The following GRID1 variants were observed in gnomAD, a reference collection of about 807,000 sequenced individuals.
The protein encoded by GRID1 is glutamate receptor ionotropic, delta-1.
A neutral mutation model predicts 98.0 loss-of-function variants in GRID1; 28 were observed. That is an observed-to-expected ratio of 0.29 (90% CI 0.21 to 0.39). The LOEUF (loss-of-function observed/expected upper bound fraction) is 0.39, where lower values mean the gene tolerates loss of function less well. Among genes scored for constraint, GRID1 ranks in the 10% least tolerant of loss-of-function variants. The pLI is 1.00. For missense variants in GRID1, 1,111 were observed against 1,340.5 expected, an observed-to-expected ratio of 0.83 and a Z score of 2.67; for synonymous variants, 553 against 538.5, an observed-to-expected ratio of 1.03 and a Z score of -0.37.
intron 3 of GRID1, among the ~76,000 whole-genome samples, chr10:86,188,507 C>G (rs1308506941): frequency 6.6e-6 from 1 of 152,182 alleles, no homozygotes; most frequent in Non-Finnish European, 1.5e-5. Context: ...GAAACAGGTT[C>G]CTTTGCCAAG....
chr10:85,802,983 C>T (rs1842591330), intron 8 of GRID1, among the ~76,000 whole-genome samples: 1 of 151,588 alleles, frequency 6.6e-6, no homozygotes, highest in African/African-American at 2.4e-5. Flanking sequence ...AGCACTTCCA[C>T]CATAAATAAA....
At chr10:85,902,792 C>T (rs767778763) in intron 5 of GRID1, among the ~76,000 whole-genome samples, 14 of 152,186 alleles carry the variant, frequency 9.2e-5, no homozygotes, top group Non-Finnish European at 5.9e-5. Flanking sequence ...TCCCACCTTT[C>T]CCGGCATTCC....
At chr10:86,137,736 A>G (rs1589384312) in intron 4 of GRID1, among the ~76,000 whole-genome samples, 2 of 152,282 alleles carry the variant, frequency 1.3e-5, no homozygotes, top group African/African-American at 4.8e-5. Context: ...CTGGCGGACC[A>G]CCGGCGTGAT....
At chr10:86,293,176 G>C (rs552517436) in intron 2 of GRID1, among the ~76,000 whole-genome samples, 3 of 152,326 alleles carry the variant, frequency 2.0e-5, no homozygotes, top group African/African-American at 7.2e-5. Flanking sequence ...TCTTCCTCGA[G>C]CTCCAACCTT....
At chr10:86,025,191 C>T (rs1222227005) in intron 4 of GRID1, among the ~76,000 whole-genome samples, 1 of 152,178 alleles carries the variant, frequency 6.6e-6, no homozygotes, top group Non-Finnish European at 1.5e-5. Flanking sequence ...CTCTGTGACC[C>T]GGACACATGG....
At chr10:86,325,145 C>T (rs1848029689) in intron 2 of GRID1, among the ~76,000 whole-genome samples, 3 of 152,170 alleles carry the variant, frequency 2.0e-5, no homozygotes, top group Admixed American at 6.5e-5. Context: ...CTTTCAGATT[C>T]AGTGAGCAAA....
chr10:86,227,702 A>G (rs546384915), intron 2 of GRID1, among the ~76,000 whole-genome samples: 1 of 151,810 alleles, frequency 6.6e-6, no homozygotes, highest in Non-Finnish European at 1.5e-5. Flanking sequence ...CCCAGCTCCC[A>G]CCTGTGAAGT....
intron 4 of GRID1, among the ~76,000 whole-genome samples, chr10:86,014,834 C>T (rs1313848386): frequency 6.6e-6 from 1 of 152,234 alleles, no homozygotes. Flanking sequence ...GGCCTCTTAT[C>T]TGATTGGAGG....
chr10:85,709,064 A>G, intron 12 of GRID1: 1 of 325,604 alleles, frequency 3.1e-6, no homozygotes, highest in South Asian at 3.5e-5. Context: ...GATTCACCAA[A>G]ACAACTTGTT....
At chr10:85,681,370 G>T (rs555770152) in intron 12 of GRID1, among the ~76,000 whole-genome samples, 11 of 151,162 alleles carry the variant, frequency 7.3e-5, no homozygotes, top group Non-Finnish European at 1.3e-4. Context: ...CACCTATGAA[G>T]CAGATATTAG....
At chr10:86,205,255 C>G (rs1003662347) in intron 3 of GRID1, among the ~76,000 whole-genome samples, 3 of 152,218 alleles carry the variant, frequency 2.0e-5, no homozygotes, top group African/African-American at 7.2e-5. Flanking sequence ...CACCCAGAGA[C>G]AAAATGGGAC....
intron 8 of GRID1, among the ~76,000 whole-genome samples, chr10:85,736,957 T>C (rs911445632): frequency 6.6e-6 from 1 of 152,112 alleles, no homozygotes; most frequent in Admixed American, 6.5e-5. Flanking sequence ...GAGAGGTCAT[T>C]TTGGGAATCC....
intron 2 of GRID1, among the ~76,000 whole-genome samples, chr10:86,298,282 C>A (rs1402218625): frequency 6.6e-6 from 1 of 152,042 alleles, no homozygotes; most frequent in Non-Finnish European, 1.5e-5. Flanking sequence ...AAGTTGCAAC[C>A]AAAGCTGTAG....
chr10:86,143,474 TC>T (rs1270147592), intron 3 of GRID1, among the ~76,000 whole-genome samples: 17 of 151,962 alleles, frequency 1.1e-4, no homozygotes, highest in Non-Finnish European at 2.2e-4. Context: ...AGCTGGGACT[TC>T]CCCCACTGGG....
chr10:85,602,809 C>T (rs1243710774), intron 15 of GRID1, 108 bp from the exon 16 acceptor site: 13 of 758,950 alleles, frequency 1.7e-5, no homozygotes, highest in African/African-American at 1.1e-4. Context: ...GCCTGTTGGG[C>T]TGTGGGCGAG....
Position 86,206,863 on chromosome 10 carries a change from A to G in GRID1, c.236-215T>C, listed in dbSNP as rs923530938. Among the ~76,000 whole-genome samples, 1 of 152,174 alleles carries G rather than the reference A, an allele frequency of 6.6e-6. No homozygotes were observed. The highest frequency in any genetic ancestry group is 1.5e-5 in the Non-Finnish European group (1 of 68,022). On this transcript the variant is annotated intron_variant, in intron 2 of 15. Coordinates refer to ENST00000327946, the MANE Select transcript of GRID1 (RefSeq NM_017551.3). This position sits in a 1 kb window ranked among gnomAD's most constrained non-coding sequence, Gnocchi z 4.1. ...GAAAATGCCAGCTATACATTCTTGTACCCATTTAACATGAGAAAATAGAAG... is the reference window on the plus strand; with the variant it reads ...GAAAATGCCAGCTATACATTCTTGTGCCCATTTAACATGAGAAAATAGAAG...
At chr10:85,720,148 G>T (rs574560559) in intron 12 of GRID1, among the ~76,000 whole-genome samples, 1 of 152,256 alleles carries the variant, frequency 6.6e-6, no homozygotes, top group South Asian at 2.1e-4. Context: ...TAATTATTGA[G>T]CTGGGTTCAA....
chr10:86,006,933 C>T (rs1048791449), intron 4 of GRID1, among the ~76,000 whole-genome samples: 5 of 152,170 alleles, frequency 3.3e-5, no homozygotes, highest in African/African-American at 1.2e-4. Flanking sequence ...GATGTCAGTG[C>T]CAACTCCATG....
chr10:85,958,645 A>C (rs1359526044), intron 4 of GRID1, among the ~76,000 whole-genome samples: 1 of 152,178 alleles, frequency 6.6e-6, no homozygotes, highest in African/African-American at 2.4e-5. Flanking sequence ...CCATCAGTTG[A>C]AGATCTGAAT....
Sources: gnomAD v4.1 joint callset for allele counts (sites outside exome capture counted in the v4.1 genomes callset) on GRCh38, gnomAD v4.1.1 for gene constraint, Gnocchi (gnomAD v3.1) non-coding constraint, MANE v1.5 for transcripts, NCBI Gene and HGNC (gene_info 2026-07-23, HGNC 2026-07-21) for gene names.